DSCAML1: variants seen among roughly 807,000 people sequenced by gnomAD.
DSCAML1 encodes cell adhesion molecule DSCAML1.
DSCAML1 carries 38 observed loss-of-function variants against 200.5 expected under a neutral mutation model. The observed-to-expected ratio is 0.19, with a 90% CI of 0.15 to 0.25. The LOEUF is 0.25. DSCAML1 is among the 10% of genes least tolerant of loss of function. The pLI, the probability that DSCAML1 is intolerant of heterozygous loss-of-function variation, is 1.00. For synonymous variants in DSCAML1, 1,215 were observed against 1,165.0 expected, an observed-to-expected ratio of 1.04 and a Z score of -0.87; for missense variants, 2,223 against 2,858.8, an observed-to-expected ratio of 0.78 and a Z score of 5.07.
At chr11:117,587,366 G>A (rs964483626) in intron 3 of DSCAML1, among the ~76,000 whole-genome samples, 5 of 152,012 alleles carry the variant, frequency 3.3e-5, no homozygotes, top group South Asian at 2.1e-4. Context: ...GGTGGCAGCC[G>A]CAGGGCTCGG....
At chr11:117,557,079 A>G (rs983738580) in intron 3 of DSCAML1, among the ~76,000 whole-genome samples, 1 of 152,150 alleles carries the variant, frequency 6.6e-6, no homozygotes, top group African/African-American at 2.4e-5. Context: ...GATCTTTCCA[A>G]TAGCCATAAA....
chr11:117,782,090 A>G (rs1410821219), intron 1 of DSCAML1, among the ~76,000 whole-genome samples: 2 of 152,160 alleles, frequency 1.3e-5, no homozygotes, highest in Non-Finnish European at 2.9e-5. Context: ...GGAGCAAACA[A>G]ACCACTCTGC....
intron 3 of DSCAML1, among the ~76,000 whole-genome samples, chr11:117,557,243 TAGAGAA>T (rs2050574945): frequency 6.6e-6 from 1 of 152,084 alleles, no homozygotes; most frequent in Non-Finnish European, 1.5e-5. Flanking sequence ...GGCTCTGACT[TAGAGAA>T]AGAAGGTGAC....
intron 13 of DSCAML1, 57 bp downstream of exon 13, chr11:117,481,117 G>C: frequency 1.3e-6 from 2 of 1,507,788 alleles, no homozygotes; most frequent in Non-Finnish European, 1.8e-6. Context: ...TGGAGTTAGC[G>C]GTGGGCCCCT....
Position 117,447,597 on chromosome 11 carries a change from G to GA in DSCAML1, c.3708+2951dup, listed in dbSNP as rs2048206196. ...AAATTGCATTATTTTTATAATCAGT[G>GA]AAAAATGTATTATATTATTAGTAAA... On this transcript the variant is annotated intron_variant, in intron 20 of 32. Coordinates refer to ENST00000651296, the MANE Select transcript of DSCAML1 (RefSeq NM_020693.4). 8.5e-5 allele frequency among the ~76,000 whole-genome samples: 13 copies of GA among 152,236 alleles called. No individual in the cohort carries two copies. In the South Asian group the frequency reaches 2.7e-3, roughly 32 times the overall value.
intron 3 of DSCAML1, among the ~76,000 whole-genome samples, chr11:117,604,831 G>A (rs377705589): frequency 3.9e-4 from 60 of 152,324 alleles, no homozygotes; most frequent in South Asian, 3.7e-3. Context: ...CTGTCTGCCC[G>A]TGGCTCCTTG....
intron 8 of DSCAML1, among the ~76,000 whole-genome samples, chr11:117,506,462 C>G (rs2049499326): frequency 2.0e-5 from 3 of 152,022 alleles, no homozygotes; most frequent in African/African-American, 7.3e-5. Context: ...ATGGTCTGCT[C>G]CTCAAGTCCA....
At chr11:117,603,019 C>A (rs745534103) in intron 3 of DSCAML1, among the ~76,000 whole-genome samples, 2 of 152,124 alleles carry the variant, frequency 1.3e-5, no homozygotes, top group Non-Finnish European at 2.9e-5. Context: ...TCGTTTGAGC[C>A]CAGAGGGCAG....
At chr11:117,564,674 T>TTCCTTCCTTCCTTCCTA (rs879944677) in intron 3 of DSCAML1, among the ~76,000 whole-genome samples, 1 of 149,892 alleles carries the variant, frequency 6.7e-6, no homozygotes, top group Non-Finnish European at 1.5e-5. Flanking sequence ...TCCTTCCTCC[T>TTCCTTCCTTCCTTCCTA]TCCTTCCTTC....
chr11:117,776,773 C>G lies in DSCAML1; in HGVS notation c.511+18G>C. On this transcript the variant is annotated intron_variant, in intron 3 of 32. Coordinates refer to ENST00000651296, the MANE Select transcript of DSCAML1 (RefSeq NM_020693.4). The stretch of plus-strand genomic sequence containing the variant: ...GAGGGAGCACCTCTGTCTGCCGCAG[C>G]CCCGGGACGCTTCTTACCTGGGATG... 3.7e-6 allele frequency: 6 copies of G among 1,613,880 alleles called. No homozygotes were observed. Among genetic ancestry groups the G allele is most frequent in the Non-Finnish European group, 5.1e-6 (6 of 1,179,882 alleles).
intron 3 of DSCAML1, among the ~76,000 whole-genome samples, chr11:117,658,085 CCTG>C (rs1296542918): frequency 6.6e-6 from 1 of 152,132 alleles, no homozygotes; most frequent in East Asian, 1.9e-4. Flanking sequence ...CGTGCAACTG[CCTG>C]CTAATTGACA....
chr11:117,608,235 G>GA (rs1230200196), intron 3 of DSCAML1, among the ~76,000 whole-genome samples: 1 of 152,240 alleles, frequency 6.6e-6, no homozygotes, highest in Non-Finnish European at 1.5e-5. Flanking sequence ...ACAATGGAGA[G>GA]ATGGTGCCAG....
chr11:117,794,200 T>G (rs1170505122), intron 1 of DSCAML1, among the ~76,000 whole-genome samples: 1 of 152,186 alleles, frequency 6.6e-6, no homozygotes, highest in Non-Finnish European at 1.5e-5. Flanking sequence ...TATTTTGGCT[T>G]TTAGAAAACA....
At chr11:117,557,259 C>T (rs760304181) in intron 3 of DSCAML1, among the ~76,000 whole-genome samples, 5 of 152,130 alleles carry the variant, frequency 3.3e-5, no homozygotes, top group Non-Finnish European at 5.9e-5. Flanking sequence ...AAGAAGGTGA[C>T]CTCTCAGGAT....
At chr11:117,768,817 A>G (rs942874100) in intron 3 of DSCAML1, among the ~76,000 whole-genome samples, 2 of 151,922 alleles carry the variant, frequency 1.3e-5, no homozygotes, top group Admixed American at 6.6e-5. Context: ...ATCTCCTGTG[A>G]ATTGTTTGCT....
Position 117,469,276 on chromosome 11 carries a change from A to G in DSCAML1, c.3024+634T>C, listed in dbSNP as rs933367711. On this transcript the variant is annotated intron_variant, in intron 16 of 32. Coordinates refer to ENST00000651296, the MANE Select transcript of DSCAML1 (RefSeq NM_020693.4). This position sits in a 1 kb window ranked among gnomAD's most constrained non-coding sequence, Gnocchi z 4.1. ...TGAGACAGGAAGCCCCTGGATTGCC[A>G]GCCCTTCTATGCCCATGGAGGGGTT... Among the ~76,000 whole-genome samples, 2 of 152,170 alleles carry G rather than the reference A, an allele frequency of 1.3e-5. No homozygotes were observed. Among genetic ancestry groups the G allele is most frequent in the African/African-American group, 2.4e-5 (1 of 41,436 alleles).
At chr11:117,722,423 TTACTGCTAGA>T (rs1361534732) in intron 3 of DSCAML1, among the ~76,000 whole-genome samples, 1 of 152,002 alleles carries the variant, frequency 6.6e-6, no homozygotes, top group Non-Finnish European at 1.5e-5. Flanking sequence ...AGATCCAAAG[TTACTGCTAGA>T]TAGGAGGAAA....
Position 117,428,461 on chromosome 11 carries a change from G to T in DSCAML1, c.6029C>A (p.Pro2010His). The T allele has an allele frequency of 6.5e-7, 1 of 1,532,116 alleles. No individual in the cohort carries two copies. Among genetic ancestry groups the T allele is most frequent in the Non-Finnish European group, 8.8e-7 (1 of 1,140,854 alleles). The allele number at this position is 1,532,116 out of a possible 1,614,324, so 94.9% of individuals were successfully genotyped here. A position where few individuals can be genotyped will look rare whatever the true frequency, so the allele number is the denominator to read the frequency against. Residue 2010 changes from proline (P) to histidine (H), a missense_variant, in exon 33 of 33, where the codon CCT becomes CAT. Around this residue, in one of 7 missense-constraint regions of DSCAML1, gnomAD observed 280 missense variants for 213.4 expected, o/e 1.31. Coordinates refer to ENST00000651296, the MANE Select transcript of DSCAML1 (RefSeq NM_020693.4). The part of the protein sequence containing the change: ...SAAPPAPSTE[P>H]PRAGGPHTKM... ...GGTGTGTGGGCCCCCGGCTCGTGGAGGCTCGGTGCTGGGGGCCGGAGGGGC... is the reference window on the plus strand; with the variant it reads ...GGTGTGTGGGCCCCCGGCTCGTGGATGCTCGGTGCTGGGGGCCGGAGGGGC...
chr11:117,593,310 A>G (rs12576226), intron 3 of DSCAML1, among the ~76,000 whole-genome samples: 41,459 of 152,228 alleles, frequency 0.27, 7,025 homozygotes, highest in Non-Finnish European at 0.36. Flanking sequence ...ACCTCTTGCA[A>G]AATGGCAGAT....
Sources: gnomAD v4.1 joint callset for allele counts (sites outside exome capture counted in the v4.1 genomes callset) on GRCh38, gnomAD v4.1.1 for gene constraint, gnomAD v4.1.1 regional missense constraint, Gnocchi (gnomAD v3.1) non-coding constraint, MANE v1.5 for transcripts, NCBI Gene and HGNC (gene_info 2026-07-23, HGNC 2026-07-21) for gene names.